The following KIAA1217 variants were observed in gnomAD, a reference collection of about 807,000 sequenced individuals.
KIAA1217 encodes KIAA1217, also known as sickle tail protein homolog.
Under a neutral mutation model 163.9 loss-of-function variants are expected in KIAA1217, and 88 were observed. The observed-to-expected ratio is 0.54, with a 90% CI of 0.45 to 0.64. The LOEUF (loss-of-function observed/expected upper bound fraction) is 0.64, where lower values mean the gene tolerates loss of function less well. KIAA1217 is among the 30% of genes least tolerant of loss of function. The pLI, the probability that KIAA1217 is intolerant of heterozygous loss-of-function variation, is 0.00. For missense variants in KIAA1217, 2,372 were observed against 2,475.0 expected (o/e 0.96, Z 0.88); for synonymous variants, 903 against 923.1 (o/e 0.98, Z 0.39).
At chr10:23,832,294 C>T (rs1447763898) in intron 1 of KIAA1217, among the ~76,000 whole-genome samples, 1 of 152,158 alleles carries the variant, frequency 6.6e-6, no homozygotes, top group Non-Finnish European at 1.5e-5. Flanking sequence ...GATGCAGATA[C>T]CTCAGATGAA....
At chr10:23,907,684 G>A (rs1051170179) in intron 1 of KIAA1217, among the ~76,000 whole-genome samples, 9 of 152,022 alleles carry the variant, frequency 5.9e-5, no homozygotes, top group African/African-American at 2.2e-4. Context: ...GCCCACATTG[G>A]TGAGGGTGAT....
At chr10:23,837,074 A>G (rs1040519445) in intron 1 of KIAA1217, among the ~76,000 whole-genome samples, 4 of 152,186 alleles carry the variant, frequency 2.6e-5, no homozygotes, top group Non-Finnish European at 4.4e-5. Context: ...ATGTATGCAC[A>G]TTATTTAGCT....
In KIAA1217 at chr10:23,790,344, CATATGCAT is replaced by C. The variant is rs769580676; in HGVS notation, c.-321+95123_-321+95130del. 1.8e-5 allele frequency among the ~76,000 whole-genome samples: 2 copies of C among 110,862 alleles called. 1 individual carries two copies. Among genetic ancestry groups the C allele is most frequent in the Non-Finnish European group, 3.5e-5 (2 of 57,788 alleles). 72.7% of individuals were successfully genotyped at this position (110,862 alleles called of 152,430 possible). ...GCACATATGCATATATGCATATATACATATGCATATATGCATATATACATATACATATG... is the reference window on the plus strand; with the variant it reads ...GCACATATGCATATATGCATATATACATATGCATATATACATATACATATG... On this transcript the variant is annotated intron_variant, in intron 1 of 18. Coordinates refer to the KIAA1217 transcript ENST00000376462.
intron 2 of KIAA1217, among the ~76,000 whole-genome samples, chr10:24,308,805 C>T (rs548086108): frequency 7.2e-5 from 11 of 152,074 alleles, no homozygotes; most frequent in Admixed American, 2.0e-4. Context: ...ACTGGCATAA[C>T]GTATTTGTTG....
chr10:24,081,382 T>C (rs901925117), intron 2 of KIAA1217, among the ~76,000 whole-genome samples: 6 of 152,076 alleles, frequency 3.9e-5, no homozygotes, highest in Non-Finnish European at 7.3e-5. Flanking sequence ...TCTGTCTGTG[T>C]TCTGTGGGGG....
chr10:23,926,447 C>T (rs994757915), intron 1 of KIAA1217, among the ~76,000 whole-genome samples: 6 of 152,094 alleles, frequency 3.9e-5, no homozygotes, highest in Admixed American at 1.3e-4. Context: ...AAGGTAGGCC[C>T]GGAGCAGTGG....
chr10:23,881,375 G>C (rs1189857999), intron 1 of KIAA1217, among the ~76,000 whole-genome samples: 1 of 151,946 alleles, frequency 6.6e-6, no homozygotes, highest in Non-Finnish European at 1.5e-5. Context: ...TCTGTCTCTT[G>C]TAAGTTAATA....
intron 3 of KIAA1217, among the ~76,000 whole-genome samples, chr10:24,391,532 A>G (rs1191040045): frequency 6.6e-6 from 1 of 151,686 alleles, no homozygotes; most frequent in East Asian, 1.9e-4. Context: ...TTTAATAAAG[A>G]CAAGGTTTCA....
At chr10:24,351,746 G>A (rs2048487412) in intron 2 of KIAA1217, among the ~76,000 whole-genome samples, 1 of 152,168 alleles carries the variant, frequency 6.6e-6, no homozygotes, top group Admixed American at 6.5e-5. Flanking sequence ...GCTGCTGTTG[G>A]ATCTCTCCGA....
chr10:24,078,379 GGGGA>G (rs1156957323), intron 2 of KIAA1217, among the ~76,000 whole-genome samples: 5 of 152,194 alleles, frequency 3.3e-5, no homozygotes, highest in African/African-American at 4.8e-5. Context: ...GCAGCTGAGA[GGGGA>G]GGACATGTTT....
intron 1 of KIAA1217, among the ~76,000 whole-genome samples, chr10:23,865,718 A>G (rs1037356551): frequency 2.6e-5 from 4 of 152,140 alleles, no homozygotes; most frequent in Admixed American, 6.5e-5. Context: ...TATTCTATAT[A>G]GGATGAAGTC....
At chr10:24,542,386 T>A in intron 17 of KIAA1217, 2 of 482,572 alleles carry the variant, frequency 4.1e-6, no homozygotes, top group African/African-American at 1.9e-5. Flanking sequence ...CACAATCTGA[T>A]GTTGAAAAGA....
intron 2 of KIAA1217, among the ~76,000 whole-genome samples, chr10:24,009,091 T>C (rs1179267042): frequency 6.6e-6 from 1 of 152,192 alleles, no homozygotes; most frequent in Non-Finnish European, 1.5e-5. Context: ...TTTTGTTGCC[T>C]GAATTGGGAT....
chr10:24,332,734 G>A (rs1266775716), intron 2 of KIAA1217, among the ~76,000 whole-genome samples: 1 of 152,132 alleles, frequency 6.6e-6, no homozygotes, highest in Non-Finnish European at 1.5e-5. Context: ...TGTAAAGTGT[G>A]TTTAATTAGG....
chr10:24,477,365 G>A (rs1005133503), intron 6 of KIAA1217, among the ~76,000 whole-genome samples: 3 of 152,172 alleles, frequency 2.0e-5, no homozygotes, highest in Non-Finnish European at 4.4e-5. Flanking sequence ...GAGGCTCAGA[G>A]AGGTTAAGTA....
chr10:23,713,802 A>G (rs1198433698), intron 1 of KIAA1217, among the ~76,000 whole-genome samples: 1 of 152,170 alleles, frequency 6.6e-6, no homozygotes, highest in African/African-American at 2.4e-5. Flanking sequence ...AGATTACTGT[A>G]TGCCCCAGCA....
chr10:24,062,713 C>A (rs1834179357), intron 2 of KIAA1217, among the ~76,000 whole-genome samples: 1 of 152,012 alleles, frequency 6.6e-6, no homozygotes, highest in Non-Finnish European at 1.5e-5. Flanking sequence ...GGAATCGCCA[C>A]ACTGACTTCC....
chr10:24,023,133 C>A (rs1847804975), intron 2 of KIAA1217, among the ~76,000 whole-genome samples: 1 of 151,634 alleles, frequency 6.6e-6, no homozygotes, highest in Non-Finnish European at 1.5e-5. Context: ...CCATTATTTA[C>A]TACTTTTCTC....
intron 1 of KIAA1217, among the ~76,000 whole-genome samples, chr10:23,710,014 G>C (rs541965010): frequency 2.0e-5 from 3 of 152,342 alleles, no homozygotes; most frequent in Admixed American, 6.5e-5. Context: ...TTGAAGGTAG[G>C]AACTGTGTGT....
Sources: gnomAD v4.1 joint callset for allele counts (sites outside exome capture counted in the v4.1 genomes callset) on GRCh38, gnomAD v4.1.1 for gene constraint, MANE v1.5 for transcripts, NCBI Gene and HGNC (gene_info 2026-07-23, HGNC 2026-07-21) for gene names.